The following C22orf23 variants were observed in gnomAD, a reference collection of about 807,000 sequenced individuals.
The protein encoded by C22orf23 is UPF0193 protein EVG1.
Under a neutral mutation model 29.7 loss-of-function variants are expected in C22orf23, and 30 were observed. The observed-to-expected ratio is 1.01, with a 90% CI of 0.76 to 1.37. The LOEUF (loss-of-function observed/expected upper bound fraction) is 1.37. Ranked by LOEUF, C22orf23 falls within the 40% of genes most tolerant of loss-of-function variation. C22orf23 has a pLI of 0.00. For synonymous variants in C22orf23, 90 were observed against 96.1 expected (o/e 0.94, Z 0.37); for missense variants, 237 against 273.1 (o/e 0.87, Z 0.93).
At chr22:37,951,657 G>A (rs371104242) in intron 2 of C22orf23, 135 bp from the exon 3 acceptor site, 4 of 603,058 alleles carry the variant, frequency 6.6e-6, no homozygotes, top group South Asian at 2.7e-5. Context: ...TTCCTGCTTC[G>A]TTTTTTCTAT....
At chr22:37,953,660 G>T, upstream of C22orf23, 1 of 1,164,216 alleles carries the variant, frequency 8.6e-7, no homozygotes, top group Admixed American at 2.3e-5. Context: ...CCTGCCTCCC[G>T]GAAGTGATTT....
At chr22:37,944,745 A>C (rs1195121139) in intron 5 of C22orf23, 3 of 565,074 alleles carry the variant, frequency 5.3e-6, no homozygotes, top group East Asian at 6.1e-5. Context: ...CTAAAAATAC[A>C]AAAATTAGCC....
Position 37,944,252 on chromosome 22 carries a change from A to G in C22orf23, c.583-6T>C, listed in dbSNP as rs759708562. The G allele has an allele frequency of 2.0e-5, 33 of 1,614,096 alleles. No individual in the cohort carries two copies. In the Admixed American group the frequency reaches 2.3e-4, roughly 11 times the overall value. On this transcript the variant is annotated splice_region_variant and splice_polypyrimidine_tract_variant and intron_variant, in intron 6 of 6. Transcript: ENST00000403305. ...TCTTCCATTTCCCGGAGTTTCTGCA[A>G]AGGGCATCAGGGAAAGCAGGTGTAT...
chr22:37,953,649 T>G, upstream of C22orf23: 1 of 1,061,508 alleles, frequency 9.4e-7, no homozygotes, highest in Non-Finnish European at 1.4e-6. Flanking sequence ...CCCCGCTCTG[T>G]CCTGCCTCCC....
chr22:37,951,476 G>A lies in C22orf23; in HGVS notation c.150C>T (p.Ile50=). ...SKLTNIQQRH[I]MDIMKRGDAL... ...GCCCCTTACTTTTCATGATGTCCAT[G>A]ATGTGGCGCTGCTGGATGTTCGTCA... Residue 50 remains isoleucine, a synonymous_variant, in exon 3 of 7, where the codon ATC becomes ATT. Transcript: ENST00000403305. 6.2e-7 allele frequency: 1 copy of A among 1,614,012 alleles called. No individual in the cohort carries two copies. The highest frequency in any genetic ancestry group is 8.5e-7 in the Non-Finnish European group (1 of 1,179,964).
Position 37,943,352 on chromosome 22 carries a change from C to T in C22orf23, c.*823G>A, listed in dbSNP as rs1930512939. 6.6e-6 allele frequency: 1 copy of T among 152,156 alleles called. No homozygotes were observed. The highest frequency in any genetic ancestry group is 6.6e-5 in the Admixed American group (1 of 15,258). 9.4% of individuals were successfully genotyped at this position (152,156 alleles called of 1,614,324 possible). On this transcript the variant is annotated 3_prime_UTR_variant, in exon 7 of 7. Coordinates refer to ENST00000403305, the MANE Select transcript of C22orf23 (RefSeq NM_032561.5). Reference sequence around the variant, plus strand: ...CGCGGCACATGCAGGGATTGGAACTCCCAGGCCAGGGCTCTAGGTCGCTCC... The same window carrying T: ...CGCGGCACATGCAGGGATTGGAACTTCCAGGCCAGGGCTCTAGGTCGCTCC...
chr22:37,951,548 C>G (rs751052783), intron 2 of C22orf23, 26 bp from the exon 3 acceptor site: 4 of 1,610,652 alleles, frequency 2.5e-6, no homozygotes, highest in East Asian at 2.2e-5. Context: ...TTCTATGAGG[C>G]CTCTTGGGCT....
At chr22:37,947,229 T>G in intron 4 of C22orf23, 52 bp downstream of exon 4, 1 of 1,602,232 alleles carries the variant, frequency 6.2e-7, no homozygotes, top group Non-Finnish European at 8.5e-7. Flanking sequence ...TCCCTCTCCC[T>G]TGTCCTCCCC....
intron 3 of C22orf23, chr22:37,950,993 A>C (rs922668797): frequency 6.5e-6 from 1 of 154,636 alleles, no homozygotes; most frequent in Non-Finnish European, 1.4e-5. Context: ...TGGGCGGATC[A>C]TGAGGTCAGG....
intron 5 of C22orf23, 55 bp downstream of exon 5, chr22:37,944,987 G>A: frequency 1.3e-6 from 2 of 1,527,030 alleles, no homozygotes; most frequent in South Asian, 1.3e-5. Context: ...CCAATTCTGG[G>A]CCCCCTCCTC....
intron 4 of C22orf23, among the ~76,000 whole-genome samples, chr22:37,946,405 G>A (rs1930703401): frequency 6.6e-6 from 1 of 151,562 alleles, no homozygotes; most frequent in African/African-American, 2.4e-5. Context: ...CAGCCTGGGT[G>A]ACAGCGCGAG....
chr22:37,952,838 C>T (rs1396073759), intron 2 of C22orf23: 6 of 489,680 alleles, frequency 1.2e-5, no homozygotes, highest in Non-Finnish European at 2.2e-5. Context: ...CTTAGATTCT[C>T]ATAGGAGCGC....
At position 37,943,515 on chromosome 22, in the gene C22orf23, G is replaced by C. The variant is rs1373369134; in HGVS notation, c.*660C>G. On this transcript the variant is annotated 3_prime_UTR_variant, in exon 7 of 7. Coordinates refer to ENST00000403305, the MANE Select transcript of C22orf23 (RefSeq NM_032561.5). ...ATCTTGTTGAGACTTAGTTTTCACA[G>C]AGGGATAATGAACCGTTGCAGAGGT... 6 of 152,662 alleles carry C rather than the reference G, an allele frequency of 3.9e-5. No individual in the cohort carries two copies. The highest frequency in any genetic ancestry group is 7.2e-5 in the African/African-American group (3 of 41,426). The allele number at this position is 152,662 out of a possible 1,614,324, so 9.5% of individuals were successfully genotyped here. A position where few individuals can be genotyped will look rare whatever the true frequency, so the allele number is the denominator to read the frequency against.
At chr22:37,950,078 G>A (rs1022879901) in intron 3 of C22orf23, among the ~76,000 whole-genome samples, 2 of 151,826 alleles carry the variant, frequency 1.3e-5, no homozygotes, top group East Asian at 1.9e-4. Flanking sequence ...AGGATTATAG[G>A]TATAAGCCAC....
At chr22:37,948,701 C>G (rs1384216225) in intron 3 of C22orf23, among the ~76,000 whole-genome samples, 3 of 152,192 alleles carry the variant, frequency 2.0e-5, no homozygotes, top group Non-Finnish European at 4.4e-5. Context: ...AGTCCCACCC[C>G]TCTATAATGA....
intron 2 of C22orf23, 101 bp downstream of exon 2, chr22:37,952,946 C>A (rs1931151920): frequency 2.4e-6 from 2 of 831,322 alleles, no homozygotes; most frequent in South Asian, 1.5e-5. Flanking sequence ...ACAGTTTCAT[C>A]CCGAAACCAT....
Position 37,944,260 on chromosome 22 carries a change from C to T in C22orf23, c.583-14G>A. The T allele has an allele frequency of 5.6e-6, 9 of 1,614,184 alleles. No homozygotes were observed. The highest frequency in any genetic ancestry group is 6.8e-6 in the Non-Finnish European group (8 of 1,180,022). On this transcript the variant is annotated splice_polypyrimidine_tract_variant and intron_variant, in intron 6 of 6. Coordinates refer to ENST00000403305, the MANE Select transcript of C22orf23 (RefSeq NM_032561.5). ...TTCCCGGAGTTTCTGCAAAGGGCATCAGGGAAAGCAGGTGTATCAGGGCTA... is the reference window on the plus strand; with the variant it reads ...TTCCCGGAGTTTCTGCAAAGGGCATTAGGGAAAGCAGGTGTATCAGGGCTA...
At chr22:37,952,269 G>A (rs138672477) in intron 2 of C22orf23, among the ~76,000 whole-genome samples, 1 of 152,296 alleles carries the variant, frequency 6.6e-6, no homozygotes, top group African/African-American at 2.4e-5. Context: ...ATTGTGGGCC[G>A]AAACAGGCAC....
chr22:37,953,414 C>A, intron 1 of C22orf23, 34 bp downstream of exon 1: 1 of 549,618 alleles, frequency 1.8e-6, no homozygotes, highest in Non-Finnish European at 3.2e-6. Flanking sequence ...CACAACAGTA[C>A]CCACTGAGTG....
Sources: allele counts gnomAD v4.1 joint callset (sites outside exome capture counted in the v4.1 genomes callset), GRCh38; gene constraint gnomAD v4.1.1; transcripts MANE v1.5; gene names NCBI Gene and HGNC (gene_info 2026-07-23, HGNC 2026-07-21).